Variants in RSBN1L observed in about 807,000 individuals in gnomAD.
RSBN1L encodes the protein round spermatid basic protein 1 like.
In RSBN1L, 30 loss-of-function variants were observed where a neutral mutation model predicts 67.7. That is an observed-to-expected ratio of 0.44 (90% CI 0.33 to 0.60). The LOEUF (loss-of-function observed/expected upper bound fraction) is 0.60, where lower values mean the gene tolerates loss of function less well. RSBN1L is among the 20% of genes least tolerant of loss of function. The pLI, the probability that RSBN1L is intolerant of heterozygous loss-of-function variation, is 0.02. For synonymous variants in RSBN1L, 433 were observed against 387.0 expected (o/e 1.12, Z -1.39); for missense variants, 992 against 1,031.7 (o/e 0.96, Z 0.53).
chr7:77,736,701 G>A (rs1344114888), intron 2 of RSBN1L, among the ~76,000 whole-genome samples, 175 bp downstream of exon 2: 1 of 152,114 alleles, frequency 6.6e-6, no homozygotes, highest in African/African-American at 2.4e-5. Context: ...ATGGTAACAT[G>A]TCTTATAGTA....
chr7:77,739,711 GAAAAAA>G (rs1158112982), intron 2 of RSBN1L, among the ~76,000 whole-genome samples: 2,812 of 34,346 alleles, frequency 0.082, 157 homozygotes, highest in African/African-American at 0.22. Flanking sequence ...TTGGTCTCAG[GAAAAAA>G]AAAAAAAAAA....
chr7:77,723,444 G>C (rs1791149854), intron 1 of RSBN1L, among the ~76,000 whole-genome samples: 1 of 152,024 alleles, frequency 6.6e-6, no homozygotes, highest in African/African-American at 2.4e-5. Context: ...TGCATATTCA[G>C]AATACATATA....
At position 77,765,649 on chromosome 7, in the gene RSBN1L, C is replaced by G. The variant is rs1791751362; in HGVS notation, c.1482+17C>G. ...TTTTTAAAAGTAAGAGACAATCTGT[C>G]ATGGGATTAGAGTTTTTTTTTTAAA... On this transcript the variant is annotated intron_variant, in intron 4 of 7. Transcript: ENST00000334955. The G allele has an allele frequency of 5.2e-6, 8 of 1,550,864 alleles. No individual in the cohort carries two copies. In the South Asian group the frequency reaches 9.9e-5, roughly 19 times the overall value.
At chr7:77,734,634 A>G (rs2150420346) in intron 1 of RSBN1L, among the ~76,000 whole-genome samples, 1 of 152,188 alleles carries the variant, frequency 6.6e-6, no homozygotes, top group African/African-American at 2.4e-5. Flanking sequence ...GATTACAGGC[A>G]TGCACCACCA....
intron 5 of RSBN1L, among the ~76,000 whole-genome samples, chr7:77,771,229 G>A (rs892005469): frequency 2.0e-5 from 3 of 152,110 alleles, no homozygotes; most frequent in Non-Finnish European, 2.9e-5. Context: ...CACTGTGCCC[G>A]TCCTGATTAT....
At chr7:77,733,340 T>G (rs1475458078) in intron 1 of RSBN1L, among the ~76,000 whole-genome samples, 1 of 152,318 alleles carries the variant, frequency 6.6e-6, no homozygotes, top group South Asian at 2.1e-4. Flanking sequence ...TGAGGATGTT[T>G]TGATATCAGG....
At chr7:77,744,144 G>T (rs997882318) in intron 2 of RSBN1L, among the ~76,000 whole-genome samples, 4 of 151,896 alleles carry the variant, frequency 2.6e-5, no homozygotes, top group African/African-American at 9.7e-5. Flanking sequence ...CCATCCTCCT[G>T]CCTCAGCCTC....
At position 77,770,669 on chromosome 7, in the gene RSBN1L, A is replaced by G. The variant is rs986518172; in HGVS notation, c.1625+1866A>G. Among the ~76,000 whole-genome samples, 55 of 152,202 alleles carry G rather than the reference A, an allele frequency of 3.6e-4. 1 individual carries two copies. The highest frequency in any genetic ancestry group is 2.3e-3 in the Admixed American group (35 of 15,272). ...GCACTCCAGCCTGGGTGACAGAACC[A>G]GAACCTATCTCTTAAAAAAAAAATG... On this transcript the variant is annotated intron_variant, in intron 5 of 7. Transcript: ENST00000334955.
At chr7:77,739,702 T>C (rs1231807193) in intron 2 of RSBN1L, among the ~76,000 whole-genome samples, 1 of 116,574 alleles carries the variant, frequency 8.6e-6, no homozygotes, top group African/African-American at 3.3e-5. Flanking sequence ...GAGCAAGACT[T>C]GGTCTCAGGA....
chr7:77,772,775 T>G (rs1791865639), intron 5 of RSBN1L, among the ~76,000 whole-genome samples: 1 of 152,244 alleles, frequency 6.6e-6, no homozygotes, highest in African/African-American at 2.4e-5. Flanking sequence ...CAATATTGAA[T>G]TAATGCATTT....
At chr7:77,714,225 T>C (rs1186144415) in intron 1 of RSBN1L, among the ~76,000 whole-genome samples, 3 of 152,246 alleles carry the variant, frequency 2.0e-5, no homozygotes, top group Non-Finnish European at 4.4e-5. Context: ...TGAAACATTA[T>C]TGAATTATAA....
chr7:77,696,548 G>A lies in RSBN1L; in HGVS notation c.79G>A (p.Gly27Ser). 1 of 1,614,082 alleles carries A rather than the reference G, an allele frequency of 6.2e-7. No individual in the cohort carries two copies. Among genetic ancestry groups the A allele is most frequent in the Non-Finnish European group, 8.5e-7 (1 of 1,180,020 alleles). Residue 27 changes from glycine (G) to serine (S), a missense_variant, in exon 1 of 8, where the codon GGC becomes AGC. Physicochemically the swap from Gly to Ser is moderately conservative, Grantham distance 56 (BLOSUM62 0). This residue lies in a region of RSBN1L where 575 missense variants were observed against 483.2 expected (regional missense o/e 1.19). Transcript: ENST00000334955. ...CACCGTCTCGGAGAAAGAACCGTTT[G>A]GCAAGCTGCAACTCTCCTCCCGGGA... ...TATVSEKEPF[G>S]KLQLSSRDPP...
At chr7:77,743,783 C>CTT (rs765970645) in intron 2 of RSBN1L, among the ~76,000 whole-genome samples, 69 of 152,162 alleles carry the variant, frequency 4.5e-4, no homozygotes, top group Non-Finnish European at 9.1e-4. Context: ...CACCTTTGCC[C>CTT]TTTAAGCTTT....
intron 1 of RSBN1L, among the ~76,000 whole-genome samples, chr7:77,727,190 C>T (rs941869892): frequency 2.0e-5 from 3 of 151,738 alleles, no homozygotes; most frequent in Non-Finnish European, 2.9e-5. Flanking sequence ...TAGGTTCAAG[C>T]GATTCTCCTG....
intron 2 of RSBN1L, among the ~76,000 whole-genome samples, chr7:77,737,308 A>T (rs1349552280): frequency 1.3e-5 from 2 of 152,194 alleles, no homozygotes; most frequent in African/African-American, 2.4e-5. Context: ...GTTGATGATG[A>T]GAATATGTTG....
intron 1 of RSBN1L, among the ~76,000 whole-genome samples, chr7:77,700,725 C>G (rs1355455194): frequency 6.6e-6 from 1 of 152,164 alleles, no homozygotes; most frequent in African/African-American, 2.4e-5. Context: ...TTTCATGTCT[C>G]ATTTTTTTCA....
chr7:77,758,038 C>G (rs1324381952), intron 3 of RSBN1L, among the ~76,000 whole-genome samples: 1 of 149,000 alleles, frequency 6.7e-6, no homozygotes, highest in Non-Finnish European at 1.5e-5. Context: ...GACTCCATCT[C>G]AAAAAAAAAG....
intron 1 of RSBN1L, among the ~76,000 whole-genome samples, chr7:77,724,150 A>G (rs754503626): frequency 3.9e-5 from 6 of 152,128 alleles, no homozygotes; most frequent in Non-Finnish European, 7.4e-5. Context: ...GAGATAATAT[A>G]TATCAAGTGA....
chr7:77,752,552 C>G (rs1047723870), intron 3 of RSBN1L, among the ~76,000 whole-genome samples: 1 of 152,178 alleles, frequency 6.6e-6, no homozygotes, highest in Non-Finnish European at 1.5e-5. Context: ...CTTCTTCTTG[C>G]ACAGTTCTAT....
Sources: allele counts gnomAD v4.1 joint callset (sites outside exome capture counted in the v4.1 genomes callset), GRCh38; gene constraint gnomAD v4.1.1; regional missense constraint gnomAD v4.1.1; transcripts MANE v1.5; gene names NCBI Gene and HGNC (gene_info 2026-07-23, HGNC 2026-07-21).